Variants in BAZ2B observed in about 807,000 individuals in gnomAD.
BAZ2B encodes bromodomain adjacent to zinc finger domain protein 2B.
BAZ2B carries 91 observed loss-of-function variants against 246.0 expected under a neutral mutation model. The ratio of observed to expected loss-of-function variants is 0.37; its 90% confidence interval spans 0.31 to 0.44. BAZ2B has a LOEUF of 0.44. Ranked by LOEUF, BAZ2B falls within the 20% of genes least tolerant of loss-of-function variation. The pLI is 1.00. For missense variants in BAZ2B, 2,332 were observed against 2,533.7 expected (o/e 0.92, Z 1.71); for synonymous variants, 855 against 860.0 (o/e 0.99, Z 0.10).
chr2:159,680,964 T>G, the BAZ2B span, among the ~76,000 whole-genome samples: 36 of 152,302 alleles, frequency 2.4e-4, no homozygotes, highest in East Asian at 2.5e-3. Flanking sequence ...CAAAATCTAT[T>G]GGTAGAATGG....
intron 1 of BAZ2B, among the ~76,000 whole-genome samples, chr2:159,570,329 C>A (rs964428139): frequency 6.6e-6 from 1 of 151,840 alleles, no homozygotes; most frequent in African/African-American, 2.4e-5. Context: ...GGACTACAGG[C>A]GCACGCCACC....
intron 1 of BAZ2B, among the ~76,000 whole-genome samples, chr2:159,581,808 A>T (rs1040750973): frequency 2.0e-5 from 3 of 151,918 alleles, no homozygotes; most frequent in Non-Finnish European, 4.4e-5. Flanking sequence ...CATTCTGAGC[A>T]AACTATCACA....
chr2:159,438,792 GT>G, intron 7 of BAZ2B, 97 bp from the exon 8 acceptor site: 1 of 1,359,448 alleles, frequency 7.4e-7, no homozygotes, highest in Non-Finnish European at 9.9e-7. Flanking sequence ...CTTTCAAAGT[GT>G]TCTTAATGCC....
chr2:159,663,870 T>C, the BAZ2B span, among the ~76,000 whole-genome samples: 2 of 52,878 alleles, frequency 3.8e-5, no homozygotes, highest in South Asian at 7.6e-4. Flanking sequence ...TTTTTTTTTT[T>C]TTTTTTTTTT....
intron 1 of BAZ2B, among the ~76,000 whole-genome samples, chr2:159,577,097 G>A (rs1173531243): frequency 1.3e-5 from 2 of 150,284 alleles, no homozygotes; most frequent in Non-Finnish European, 3.0e-5. Context: ...GTGCAGTGGT[G>A]TATGCCTCTA....
chr2:159,532,759 TCAA>T (rs1471015848), intron 2 of BAZ2B, among the ~76,000 whole-genome samples: 1 of 152,188 alleles, frequency 6.6e-6, no homozygotes. Context: ...GGATTCTGTG[TCAA>T]GATGTCAAAT....
intron 1 of BAZ2B, among the ~76,000 whole-genome samples, chr2:159,610,018 A>T (rs546882485): frequency 1.1e-4 from 16 of 152,222 alleles, no homozygotes; most frequent in Non-Finnish European, 2.1e-4. Context: ...GGATACAAAT[A>T]GCAGTAAGCT....
In BAZ2B at chr2:159,349,823, A is replaced by G. The variant is rs1246382803; in HGVS notation, c.4748T>C (p.Leu1583Ser). 1 of 1,614,218 alleles carries G rather than the reference A, an allele frequency of 6.2e-7. No homozygotes were observed. Among genetic ancestry groups the G allele is most frequent in the Admixed American group, 1.7e-5 (1 of 60,022 alleles). The change falls in exon 28 of 37, where the codon TTG becomes TCG. Residue 1583 changes from leucine (L) to serine (S), a missense_variant. Coordinates refer to ENST00000392783, the MANE Select transcript of BAZ2B (RefSeq NM_013450.4). Reference protein sequence around the residue: ...LTHADMSTASLVTPQSQPPSK... With the variant: ...LTHADMSTASSVTPQSQPPSK... The stretch of plus-strand genomic sequence containing the variant: ...TGGTGGCTGAGACTGAGGAGTCACC[A>G]AAGAAGCAGTTGACATATCGGCATG...
the BAZ2B span, among the ~76,000 whole-genome samples, chr2:159,659,239 T>C: frequency 2.0e-5 from 3 of 152,204 alleles, no homozygotes; most frequent in Non-Finnish European, 4.4e-5. Context: ...CAGCCAACGG[T>C]TGTGGCTCAA....
At chr2:159,519,205 A>ATTTTTTTTT (rs2083771094) in intron 2 of BAZ2B, among the ~76,000 whole-genome samples, 3 of 56,486 alleles carry the variant, frequency 5.3e-5, no homozygotes, top group East Asian at 5.1e-4. Context: ...TTCATATTCT[A>ATTTTTTTTT]TTTTCTTTTT....
chr2:159,410,730 T>C (rs2066703150), intron 14 of BAZ2B, among the ~76,000 whole-genome samples: 1 of 152,194 alleles, frequency 6.6e-6, no homozygotes, highest in Non-Finnish European at 1.5e-5. Context: ...AGTCAAAGTA[T>C]GAACTGGAGA....
chr2:159,443,469 G>GA (rs1302508181), intron 6 of BAZ2B, among the ~76,000 whole-genome samples: 2 of 152,024 alleles, frequency 1.3e-5, no homozygotes, highest in East Asian at 3.9e-4. Flanking sequence ...AACTACATGT[G>GA]AAAAGAATGA....
chr2:159,391,098 C>G (rs929012293), intron 20 of BAZ2B, among the ~76,000 whole-genome samples: 1 of 152,110 alleles, frequency 6.6e-6, no homozygotes, highest in African/African-American at 2.4e-5. Context: ...AACTGTTGCT[C>G]TAAGAACTTT....
At chr2:159,453,304 T>C (rs1404832975) in intron 4 of BAZ2B, among the ~76,000 whole-genome samples, 1 of 152,168 alleles carries the variant, frequency 6.6e-6, no homozygotes, top group Non-Finnish European at 1.5e-5. Flanking sequence ...ATTTACACTA[T>C]GTATACTTTT....
chr2:159,538,817 C>T (rs1350178169), intron 2 of BAZ2B, among the ~76,000 whole-genome samples: 1 of 151,906 alleles, frequency 6.6e-6, no homozygotes, highest in Non-Finnish European at 1.5e-5. Context: ...TGTAAACTTA[C>T]AAATACAAAA....
chr2:159,525,189 G>A (rs1196708558), intron 2 of BAZ2B, among the ~76,000 whole-genome samples: 11 of 152,142 alleles, frequency 7.2e-5, no homozygotes, highest in Non-Finnish European at 1.5e-4. Context: ...TAACAAAGGT[G>A]GGTAGGTGGA....
intron 34 of BAZ2B, among the ~76,000 whole-genome samples, chr2:159,330,421 G>A (rs1346039796): frequency 1.3e-5 from 2 of 152,190 alleles, no homozygotes; most frequent in Non-Finnish European, 2.9e-5. Flanking sequence ...ATGTTTCAAA[G>A]AGGAGAGAGC....
chr2:159,684,450 C>A, the BAZ2B span, among the ~76,000 whole-genome samples: 2 of 152,168 alleles, frequency 1.3e-5, no homozygotes, highest in Admixed American at 1.3e-4. Context: ...TTAGTGGTTA[C>A]CCACTAAATA....
At chr2:159,533,300 G>T (rs181688863) in intron 2 of BAZ2B, among the ~76,000 whole-genome samples, 2 of 152,088 alleles carry the variant, frequency 1.3e-5, no homozygotes, top group Non-Finnish European at 2.9e-5. Flanking sequence ...AAGAAGAATA[G>T]AATACATTAA....
Sources: allele counts gnomAD v4.1 joint callset (sites outside exome capture counted in the v4.1 genomes callset), GRCh38; gene constraint gnomAD v4.1.1; transcripts MANE v1.5; gene names NCBI Gene and HGNC (gene_info 2026-07-23, HGNC 2026-07-21).